GRIK2: variants seen among roughly 807,000 people sequenced by gnomAD.
GRIK2 encodes the protein glutamate ionotropic receptor kainate type subunit 2.
A neutral mutation model predicts 100.3 loss-of-function variants in GRIK2; 32 were observed. That is an observed-to-expected ratio of 0.32 (90% confidence interval 0.24 to 0.43). GRIK2 has a LOEUF of 0.43. GRIK2 is among the 20% of genes least tolerant of loss of function. The pLI is 1.00. For missense variants in GRIK2, 843 were observed against 1,114.9 expected (o/e 0.76, Z 3.47); for synonymous variants, 417 against 389.4 (o/e 1.07, Z -0.83).
chr6:101,417,664 A>G (rs1364042421), intron 2 of GRIK2, among the ~76,000 whole-genome samples: 14 of 152,244 alleles, frequency 9.2e-5, no homozygotes, highest in Admixed American at 2.0e-4. Flanking sequence ...ATATTGCCGT[A>G]TGTTAGCCTT....
intron 7 of GRIK2, among the ~76,000 whole-genome samples, chr6:101,748,477 A>G (rs1166760086): frequency 9.2e-5 from 14 of 152,204 alleles, no homozygotes. Flanking sequence ...AACCATATCA[A>G]ATTGCCATTT....
At chr6:101,861,633 G>A (rs1024943434) in intron 11 of GRIK2, among the ~76,000 whole-genome samples, 2 of 151,960 alleles carry the variant, frequency 1.3e-5, no homozygotes, top group Non-Finnish European at 2.9e-5. Context: ...ACAAAGCAGG[G>A]ACACCCTTAT....
At chr6:101,692,329 A>C (rs1772168279) in intron 7 of GRIK2, among the ~76,000 whole-genome samples, 1 of 152,128 alleles carries the variant, frequency 6.6e-6, no homozygotes, top group Non-Finnish European at 1.5e-5. Context: ...AATCACCAAA[A>C]TAAAAGAATA....
chr6:101,820,502 G>C (rs1360046346), intron 10 of GRIK2, among the ~76,000 whole-genome samples: 1 of 152,060 alleles, frequency 6.6e-6, no homozygotes, highest in Non-Finnish European at 1.5e-5. Flanking sequence ...CTGGAGTGCA[G>C]ACTCATGATC....
At chr6:101,504,636 A>G (rs1264566124) in intron 2 of GRIK2, among the ~76,000 whole-genome samples, 5 of 151,954 alleles carry the variant, frequency 3.3e-5, no homozygotes, top group African/African-American at 4.8e-5. Flanking sequence ...TAGTTGACAC[A>G]CTGGATTTAG....
chr6:101,799,432 G>A (rs572705616), intron 7 of GRIK2, among the ~76,000 whole-genome samples: 3 of 152,054 alleles, frequency 2.0e-5, no homozygotes, highest in South Asian at 2.1e-4. Flanking sequence ...GAAAAGGAGG[G>A]TAGGTCAAAT....
At chr6:102,021,435 T>TAATA (rs35106551) in intron 14 of GRIK2, among the ~76,000 whole-genome samples, 1 of 150,884 alleles carries the variant, frequency 6.6e-6, no homozygotes. Context: ...TACAAATAAA[T>TAATA]CATCTACATT....
intron 15 of GRIK2, among the ~76,000 whole-genome samples, chr6:102,036,127 A>T (rs1404181842): frequency 6.6e-6 from 1 of 151,244 alleles, no homozygotes; most frequent in African/African-American, 2.4e-5. Flanking sequence ...AGTCAAAATA[A>T]TCAAATGAGA....
At chr6:101,833,965 T>C (rs1782880901) in intron 10 of GRIK2, among the ~76,000 whole-genome samples, 1 of 152,076 alleles carries the variant, frequency 6.6e-6, no homozygotes. Flanking sequence ...TGTTTTATTG[T>C]TTTATATTAG....
intron 2 of GRIK2, among the ~76,000 whole-genome samples, chr6:101,503,570 G>C (rs766688902): frequency 6.6e-6 from 1 of 152,090 alleles, no homozygotes; most frequent in Admixed American, 6.6e-5. Context: ...TTCCAAAAAA[G>C]CTATGTTGCT....
Position 101,945,053 on chromosome 6 carries a change from A to G in GRIK2, c.2085+16421A>G, listed in dbSNP as rs534471044. ...ATTAATTCTTAAAAAGTTAAGAAAGATGAACAAGTTTTACCAACATGTTGT... is the reference window on the plus strand; with the variant it reads ...ATTAATTCTTAAAAAGTTAAGAAAGGTGAACAAGTTTTACCAACATGTTGT... On this transcript the variant is annotated intron_variant, in intron 14 of 16. Coordinates refer to ENST00000369134, the MANE Select transcript of GRIK2 (RefSeq NM_021956.5). Among the ~76,000 whole-genome samples the G allele has an allele frequency of 4.6e-5, 7 of 152,224 alleles. 2 individuals carry two copies. Among genetic ancestry groups the G allele is most frequent in the African/African-American group, 1.4e-4 (6 of 41,570 alleles).
intron 12 of GRIK2, among the ~76,000 whole-genome samples, chr6:101,902,093 G>C (rs1787885948): frequency 6.6e-6 from 1 of 151,942 alleles, no homozygotes; most frequent in Non-Finnish European, 1.5e-5. Flanking sequence ...CTATGGCAGT[G>C]AAAAGGGCTT....
At chr6:101,812,496 ATAT>A (rs753583626) in intron 9 of GRIK2, among the ~76,000 whole-genome samples, 1 of 151,008 alleles carries the variant, frequency 6.6e-6, no homozygotes, top group Non-Finnish European at 1.5e-5. Flanking sequence ...TGTTCAATAA[ATAT>A]TATTATTTAT....
At chr6:101,568,039 A>G (rs2128298039) in intron 2 of GRIK2, among the ~76,000 whole-genome samples, 1 of 152,158 alleles carries the variant, frequency 6.6e-6, no homozygotes, top group Admixed American at 6.6e-5. Flanking sequence ...TTAACTTTGT[A>G]AAAATAATCT....
At chr6:101,946,768 AG>A (rs1199674382) in intron 14 of GRIK2, among the ~76,000 whole-genome samples, 2 of 152,056 alleles carry the variant, frequency 1.3e-5, no homozygotes, top group Non-Finnish European at 2.9e-5. Context: ...AAAGTTGGAG[AG>A]GGGGATGGAG....
At chr6:101,888,079 A>G (rs1786782246) in intron 11 of GRIK2, among the ~76,000 whole-genome samples, 1 of 152,164 alleles carries the variant, frequency 6.6e-6, no homozygotes, top group South Asian at 2.1e-4. Context: ...CTAGATTCTG[A>G]AAGACTGTAA....
chr6:101,698,047 A>G (rs1772622104), intron 7 of GRIK2, among the ~76,000 whole-genome samples: 1 of 152,110 alleles, frequency 6.6e-6, no homozygotes, highest in South Asian at 2.1e-4. Context: ...TAAGAATGCA[A>G]CTGTGTAAAT....
intron 14 of GRIK2, among the ~76,000 whole-genome samples, chr6:101,969,206 T>C (rs1254721895): frequency 2.6e-5 from 4 of 152,046 alleles, no homozygotes; most frequent in East Asian, 3.9e-4. Flanking sequence ...AAATGCATGA[T>C]TGTGGGTGGC....
chr6:101,523,720 C>CTTTTTTTT (rs1163558120), intron 2 of GRIK2, among the ~76,000 whole-genome samples: 17 of 121,544 alleles, frequency 1.4e-4, no homozygotes, highest in East Asian at 2.4e-4. Flanking sequence ...ACTCCTAAGT[C>CTTTTTTTT]TTTTTTTTTT....
Sources: allele counts gnomAD v4.1 joint callset (sites outside exome capture counted in the v4.1 genomes callset), GRCh38; gene constraint gnomAD v4.1.1; transcripts MANE v1.5; gene names NCBI Gene and HGNC (gene_info 2026-07-23, HGNC 2026-07-21).